The following APBB2 variants were observed in gnomAD, a reference collection of about 807,000 sequenced individuals.
The protein encoded by APBB2 is Fe65-like 1.
A neutral mutation model predicts 82.5 loss-of-function variants in APBB2; 38 were observed. That is an observed-to-expected ratio of 0.46 (90% CI 0.36 to 0.60). APBB2 has a LOEUF of 0.60. APBB2 is among the 20% of genes least tolerant of loss of function. APBB2 has a pLI of 0.00. For missense variants in APBB2, 772 were observed against 972.3 expected (o/e 0.79, Z 2.74); for synonymous variants, 341 against 368.2 (o/e 0.93, Z 0.85).
chr4:40,944,991 G>C lies in APBB2; in HGVS notation c.918C>G (p.Thr306=). 1.2e-6 allele frequency: 2 copies of C among 1,613,128 alleles called. No individual in the cohort carries two copies. The highest frequency in any genetic ancestry group is 2.2e-5 in the South Asian group (2 of 91,028). Residue 306 remains threonine, a synonymous_variant, in exon 7 of 18, where the codon ACC becomes ACG. Transcript: ENST00000508593. ...GWKRVSDIAG[T]YYWHIPTGTT... ...TTCCTGTTGGGATGTGCCAATAATA[G>C]GTCCCGGCAATGTCACTGACTCTTT...
intron 12 of APBB2, among the ~76,000 whole-genome samples, chr4:40,850,679 CAG>C (rs1759046974): frequency 6.6e-6 from 1 of 152,216 alleles, no homozygotes; most frequent in Non-Finnish European, 1.5e-5. Flanking sequence ...GTAGTTGCAA[CAG>C]AGGCCACATG....
chr4:41,158,952 G>A (rs1327929389), intron 1 of APBB2, among the ~76,000 whole-genome samples: 1 of 152,128 alleles, frequency 6.6e-6, no homozygotes, highest in African/African-American at 2.4e-5. Context: ...CCTAGTCTAT[G>A]ACCTGGGCTC....
intron 3 of APBB2, among the ~76,000 whole-genome samples, chr4:41,068,753 G>A (rs941645105): frequency 6.0e-5 from 9 of 149,064 alleles, no homozygotes; most frequent in African/African-American, 2.2e-4. Flanking sequence ...AAAGGTGTAC[G>A]TGTAGTTTAA....
At chr4:41,043,699 T>TTTC (rs1722350451) in intron 4 of APBB2, among the ~76,000 whole-genome samples, 2 of 152,212 alleles carry the variant, frequency 1.3e-5, no homozygotes, top group African/African-American at 4.8e-5. Flanking sequence ...GAATTTATGG[T>TTTC]AATCAGTTCC....
intron 3 of APBB2, among the ~76,000 whole-genome samples, chr4:41,098,176 A>T (rs532347021): frequency 6.6e-6 from 1 of 151,654 alleles, no homozygotes; most frequent in Non-Finnish European, 1.5e-5. Context: ...TGTAACATCA[A>T]CTTTATTTTT....
chr4:41,055,235 ACAT>A (rs1363893642), intron 4 of APBB2, among the ~76,000 whole-genome samples: 1 of 152,086 alleles, frequency 6.6e-6, no homozygotes, highest in Non-Finnish European at 1.5e-5. Flanking sequence ...TGGTCACCCA[ACAT>A]CATGTGGGCC....
intron 17 of APBB2, among the ~76,000 whole-genome samples, chr4:40,818,264 G>A (rs1036694608): frequency 1.3e-5 from 2 of 152,254 alleles, no homozygotes; most frequent in South Asian, 4.1e-4. Context: ...AGAATGGTTT[G>A]ATTTTACTAG....
intron 5 of APBB2, among the ~76,000 whole-genome samples, chr4:41,029,801 G>C (rs535604313): frequency 6.6e-6 from 1 of 152,350 alleles, no homozygotes; most frequent in Admixed American, 6.5e-5. Flanking sequence ...GAAGTTGGCA[G>C]AGGGTCTTAT....
chr4:40,912,808 G>C (rs1351179263), intron 10 of APBB2, among the ~76,000 whole-genome samples: 1 of 152,110 alleles, frequency 6.6e-6, no homozygotes, highest in East Asian at 1.9e-4. Flanking sequence ...CATGGAAGTC[G>C]AGGCCAAGAA....
rs11729754 is a variant in APBB2 at position 41,086,294 on chromosome 4, G to T, written c.-149+14345C>A. On this transcript the variant is annotated intron_variant, in intron 3 of 17. Coordinates refer to ENST00000508593, the MANE Select transcript of APBB2 (RefSeq NM_004307.2). The stretch of plus-strand genomic sequence containing the variant: ...CAACTCCTCCAAAGAAATGAAGAAG[G>T]AACACTTTTAAACTCCTATCAGACC... Among the ~76,000 whole-genome samples, 910 of 152,106 alleles carry T rather than the reference G, an allele frequency of 6.0e-3. 2 individuals carry two copies. The highest frequency in any genetic ancestry group is 1.0e-2 in the Non-Finnish European group (677 of 67,974).
intron 4 of APBB2, among the ~76,000 whole-genome samples, chr4:41,051,074 G>A (rs1297866900): frequency 6.6e-6 from 1 of 151,418 alleles, no homozygotes; most frequent in East Asian, 1.9e-4. Context: ...TTCCTCAACA[G>A]AACTTAAGGG....
chr4:40,931,711 T>G (rs1436989563), intron 10 of APBB2, among the ~76,000 whole-genome samples: 2 of 152,212 alleles, frequency 1.3e-5, no homozygotes, highest in African/African-American at 4.8e-5. Context: ...TGTAGGTTTT[T>G]CATTCTCCCT....
At chr4:41,105,656 G>C (rs1044362602) in intron 2 of APBB2, among the ~76,000 whole-genome samples, 1 of 152,070 alleles carries the variant, frequency 6.6e-6, no homozygotes, top group African/African-American at 2.4e-5. Context: ...AGGCCAAGGC[G>C]GGCAGATCAC....
intron 6 of APBB2, among the ~76,000 whole-genome samples, chr4:40,963,043 C>T (rs1388205484): frequency 6.6e-6 from 1 of 152,086 alleles, no homozygotes; most frequent in Non-Finnish European, 1.5e-5. Flanking sequence ...TTTTCCCCTT[C>T]CTCATTGCAA....
intron 12 of APBB2, among the ~76,000 whole-genome samples, chr4:40,859,280 T>C (rs376017081): frequency 4.2e-5 from 6 of 141,596 alleles, no homozygotes; most frequent in South Asian, 4.4e-4. Flanking sequence ...TCAGGAGGGC[T>C]GCTGTCATTT....
intron 1 of APBB2, among the ~76,000 whole-genome samples, chr4:41,190,779 A>G (rs1334915325): frequency 6.6e-6 from 1 of 152,162 alleles, no homozygotes; most frequent in Non-Finnish European, 1.5e-5. Flanking sequence ...TTTACCTCCA[A>G]AGTAACATAA....
At position 41,090,425 on chromosome 4, in the gene APBB2, A is replaced by C. The variant is rs556418962; in HGVS notation, c.-149+10214T>G. Among the ~76,000 whole-genome samples the C allele has an allele frequency of 2.0e-5, 3 of 152,322 alleles. No individual in the cohort carries two copies. The South Asian group carries it at 6.2e-4, about 32-fold the overall frequency. On this transcript the variant is annotated intron_variant, in intron 3 of 17. Transcript: ENST00000508593. Reference sequence around the variant, plus strand: ...GTATGCCAACAACTGGTTGTAATAAAAGTTCGTTTTGTTGAAATCAATTAA... The same window carrying C: ...GTATGCCAACAACTGGTTGTAATAACAGTTCGTTTTGTTGAAATCAATTAA...
rs1351863209 is a variant in APBB2 at position 40,944,972 on chromosome 4, T to C, written c.937A>G (p.Thr313Ala). The C allele has an allele frequency of 3.1e-6, 5 of 1,612,712 alleles. No individual in the cohort carries two copies. The Admixed American group carries it at 8.3e-5, about 27-fold the overall frequency. ...GGCCGTTCCCACTGAGTCGTTCCTG[T>C]TGGGATGTGCCAATAATAGGTCCCG... ...IAGTYYWHIP[T>A]GTTQWERPVS... The change falls in exon 7 of 18, where the codon ACA becomes GCA. Residue 313 changes from threonine to alanine, a missense_variant. Thr to Ala is a moderately conservative substitution (Grantham distance 58, BLOSUM62 0). Coordinates refer to ENST00000508593, the MANE Select transcript of APBB2 (RefSeq NM_004307.2).
At chr4:40,972,200 G>A (rs1174117989) in intron 6 of APBB2, among the ~76,000 whole-genome samples, 2 of 152,032 alleles carry the variant, frequency 1.3e-5, no homozygotes, top group East Asian at 3.9e-4. Flanking sequence ...AGGCCGAGGT[G>A]GGTGGATCAC....
Sources: allele counts gnomAD v4.1 joint callset (sites outside exome capture counted in the v4.1 genomes callset), GRCh38; gene constraint gnomAD v4.1.1; transcripts MANE v1.5; gene names NCBI Gene and HGNC (gene_info 2026-07-23, HGNC 2026-07-21).